Variants in PRKCA observed in about 807,000 individuals in gnomAD.
The protein encoded by PRKCA is protein kinase C alpha type.
Under a neutral mutation model 87.0 loss-of-function variants are expected in PRKCA, and 27 were observed. The ratio of observed to expected loss-of-function variants is 0.31; its 90% CI spans 0.23 to 0.43. The LOEUF (loss-of-function observed/expected upper bound fraction) is 0.43. Ranked by LOEUF, PRKCA falls within the 20% of genes least tolerant of loss-of-function variation. The pLI is 1.00. For missense variants in PRKCA, 518 were observed against 852.3 expected (o/e 0.61, Z 4.88); for synonymous variants, 329 against 311.1 (o/e 1.06, Z -0.61).
chr17:66,480,491 G>A (rs1915733351), intron 2 of PRKCA, among the ~76,000 whole-genome samples: 1 of 152,194 alleles, frequency 6.6e-6, no homozygotes, highest in Admixed American at 6.5e-5. Flanking sequence ...AAAGCTCACT[G>A]TAATCATGAG....
At chr17:66,615,257 G>A (rs935333151) in intron 3 of PRKCA, among the ~76,000 whole-genome samples, 1 of 152,148 alleles carries the variant, frequency 6.6e-6, no homozygotes, top group Non-Finnish European at 1.5e-5. Flanking sequence ...GCAAAGAAGG[G>A]GAAAAATGTT....
At chr17:66,639,482 G>C (rs1971233408) in intron 3 of PRKCA, 1 of 152,130 alleles carries the variant, frequency 6.6e-6, no homozygotes, top group South Asian at 2.1e-4. Flanking sequence ...CCACCTCCTG[G>C]ACTCAAGCGA....
At chr17:66,405,398 C>T (rs967775985) in intron 2 of PRKCA, among the ~76,000 whole-genome samples, 2 of 152,184 alleles carry the variant, frequency 1.3e-5, no homozygotes, top group Non-Finnish European at 2.9e-5. Flanking sequence ...CTCTGCTTTC[C>T]TCAGACTAAT....
intron 3 of PRKCA, among the ~76,000 whole-genome samples, chr17:66,588,635 C>CTT (rs397856363): frequency 7.7e-5 from 3 of 39,108 alleles, no homozygotes; most frequent in African/African-American, 1.2e-4. Context: ...TTTTGCTTTG[C>CTT]TTTTTTTTTT....
At chr17:66,474,692 G>A (rs1027196728) in intron 2 of PRKCA, among the ~76,000 whole-genome samples, 1 of 152,062 alleles carries the variant, frequency 6.6e-6, no homozygotes, top group Admixed American at 6.5e-5. Flanking sequence ...TTATTATACC[G>A]GAAGCCCATT....
At chr17:66,685,179 C>A (rs1972593692) in intron 5 of PRKCA, among the ~76,000 whole-genome samples, 1 of 152,084 alleles carries the variant, frequency 6.6e-6, no homozygotes, top group Non-Finnish European at 1.5e-5. Context: ...TTTTCATTTT[C>A]CAAGCCCCCA....
intron 5 of PRKCA, among the ~76,000 whole-genome samples, chr17:66,675,725 G>A (rs902852248): frequency 2.0e-5 from 3 of 152,232 alleles, no homozygotes; most frequent in African/African-American, 7.2e-5. Context: ...AGTGACACTT[G>A]GGAGCTACAC....
intron 16 of PRKCA, among the ~76,000 whole-genome samples, chr17:66,791,915 GA>G (rs749720323): frequency 3.9e-5 from 6 of 152,262 alleles, no homozygotes; most frequent in Admixed American, 2.0e-4. Context: ...AGAGCTAACT[GA>G]AAAGTGAAAT....
intron 13 of PRKCA, among the ~76,000 whole-genome samples, chr17:66,771,730 G>A (rs567473477): frequency 6.6e-6 from 1 of 152,118 alleles, no homozygotes; most frequent in African/African-American, 2.4e-5. Context: ...CAAGTAGCTG[G>A]GACTACAGGC....
chr17:66,443,644 G>A (rs533313939), intron 2 of PRKCA, among the ~76,000 whole-genome samples: 13 of 152,270 alleles, frequency 8.5e-5, no homozygotes, highest in South Asian at 2.1e-4. Flanking sequence ...GCCCTGAAAC[G>A]GGACAGGCCC....
At chr17:66,788,631 C>T (rs889634029) in intron 15 of PRKCA, among the ~76,000 whole-genome samples, 1 of 152,122 alleles carries the variant, frequency 6.6e-6, no homozygotes, top group African/African-American at 2.4e-5. Context: ...GTCTTGAAAA[C>T]CACCATAGGA....
intron 2 of PRKCA, among the ~76,000 whole-genome samples, chr17:66,363,347 T>C (rs1908509692): frequency 6.6e-6 from 1 of 152,228 alleles, no homozygotes; most frequent in Admixed American, 6.5e-5. Flanking sequence ...ATGGAAGGAA[T>C]CTTAGAGGAA....
chr17:66,518,183 G>A (rs1967033916), intron 3 of PRKCA, among the ~76,000 whole-genome samples: 1 of 152,182 alleles, frequency 6.6e-6, no homozygotes, highest in Admixed American at 6.5e-5. Context: ...AAGGCTACGG[G>A]CATTGTTTGG....
At chr17:66,398,343 G>A (rs1462510824) in intron 2 of PRKCA, 1 of 152,206 alleles carries the variant, frequency 6.6e-6, no homozygotes, top group African/African-American at 2.4e-5. Context: ...GAAGAAACAA[G>A]GTGGTGGTCA....
At chr17:66,612,010 A>C (rs1334016687) in intron 3 of PRKCA, among the ~76,000 whole-genome samples, 3 of 151,762 alleles carry the variant, frequency 2.0e-5, no homozygotes, top group African/African-American at 4.8e-5. Flanking sequence ...TTTATAATGG[A>C]TTTATTTATC....
chr17:66,587,893 GTGTATATATATATA>G lies in PRKCA; in HGVS notation c.289-53460_289-53447del, dbSNP rs1178036297. 2.4e-3 allele frequency among the ~76,000 whole-genome samples: 123 copies of G among 51,630 alleles called. 8 individuals carry two copies. The South Asian group carries it at 0.049, about 21-fold the overall frequency. The allele number at this position is 51,630 out of a possible 152,430, so 33.9% of individuals were successfully genotyped here. On this transcript the variant is annotated intron_variant, in intron 3 of 16. Transcript: ENST00000413366. ...TATGTGTGTGTGTGTGTGTGTGTGT[GTGTATATATATATA>G]TATATATATATATATATATATATAT...
intron 2 of PRKCA, among the ~76,000 whole-genome samples, chr17:66,407,270 TG>T (rs1388445172): frequency 6.6e-6 from 1 of 151,890 alleles, no homozygotes; most frequent in Non-Finnish European, 1.5e-5. Flanking sequence ...GATCAGATCA[TG>T]GGGGCGGATC....
At position 66,805,533 on chromosome 17, in the gene PRKCA, A is replaced by T. The variant is rs1029164488; in HGVS notation, c.*1496A>T. The T allele has an allele frequency of 3.3e-5, 5 of 152,370 alleles. No individual in the cohort carries two copies. Among genetic ancestry groups the T allele is most frequent in the African/African-American group, 1.2e-4 (5 of 41,460 alleles). 9.4% of individuals were successfully genotyped at this position (152,370 alleles called of 1,614,324 possible). A position where few individuals can be genotyped will look rare whatever the true frequency, so the allele number is the denominator to read the frequency against. ...AATGTAGATAAAATTTCAAAAATGA[A>T]TGGCTAGTTTACGTGATAGATTAGG... On this transcript the variant is annotated 3_prime_UTR_variant, in exon 17 of 17. Coordinates refer to ENST00000413366, the MANE Select transcript of PRKCA (RefSeq NM_002737.3).
chr17:66,451,252 T>A (rs977581050), intron 2 of PRKCA, among the ~76,000 whole-genome samples: 1 of 152,220 alleles, frequency 6.6e-6, no homozygotes. Flanking sequence ...TGTGCCTTTT[T>A]TCCAGATTTG....
Sources: gnomAD v4.1 joint callset for allele counts (sites outside exome capture counted in the v4.1 genomes callset) on GRCh38, gnomAD v4.1.1 for gene constraint, MANE v1.5 for transcripts, NCBI Gene and HGNC (gene_info 2026-07-23, HGNC 2026-07-21) for gene names.